The following CEP128 variants were observed in gnomAD, a reference collection of about 807,000 sequenced individuals.
The protein encoded by CEP128 is centrosomal protein 128kDa.
A neutral mutation model predicts 156.7 loss-of-function variants in CEP128; 132 were observed. The observed-to-expected ratio is 0.84, with a 90% CI of 0.73 to 0.97. The LOEUF is 0.97. CEP128 is among the 50% of genes least tolerant of loss of function. The pLI is 0.00. For missense variants in CEP128, 1,252 were observed against 1,281.9 expected (o/e 0.98, Z 0.36); for synonymous variants, 469 against 448.9 (o/e 1.04, Z -0.57).
chr14:80,786,913 G>C (rs1375043901), intron 14 of CEP128, among the ~76,000 whole-genome samples: 1 of 152,150 alleles, frequency 6.6e-6, no homozygotes, highest in Non-Finnish European at 1.5e-5. Flanking sequence ...TTCAAGACCA[G>C]CCTGGGCAAC....
At chr14:80,935,598 AT>A (rs1885742983) in intron 2 of CEP128, among the ~76,000 whole-genome samples, 1 of 138,266 alleles carries the variant, frequency 7.2e-6, no homozygotes, top group Admixed American at 7.5e-5. Flanking sequence ...AAATAAATAA[AT>A]AAAAATAAAG....
intron 19 of CEP128, among the ~76,000 whole-genome samples, chr14:80,617,442 A>T (rs1449124789): frequency 6.6e-6 from 1 of 151,786 alleles, no homozygotes; most frequent in Non-Finnish European, 1.5e-5. Context: ...TCACCATCTT[A>T]GCCAGAATGG....
intron 21 of CEP128, among the ~76,000 whole-genome samples, chr14:80,551,191 C>T (rs1890194629): frequency 1.3e-5 from 2 of 152,106 alleles, no homozygotes; most frequent in Admixed American, 1.3e-4. Context: ...ACCTGACTTA[C>T]CAAAGGACTA....
chr14:80,952,004 A>G (rs866825723), intron 2 of CEP128, among the ~76,000 whole-genome samples: 5 of 152,256 alleles, frequency 3.3e-5, no homozygotes, highest in Non-Finnish European at 5.9e-5. Context: ...AAATTGCATG[A>G]AGAAAAACCT....
intron 13 of CEP128, among the ~76,000 whole-genome samples, chr14:80,810,179 C>T (rs1312613685): frequency 6.6e-6 from 1 of 150,984 alleles, no homozygotes. Flanking sequence ...AAAAATAAGC[C>T]GGGCATGATT....
At chr14:80,825,201 G>C (rs551869593) in intron 13 of CEP128, among the ~76,000 whole-genome samples, 1 of 152,146 alleles carries the variant, frequency 6.6e-6, no homozygotes, top group Non-Finnish European at 1.5e-5. Context: ...ATGAGATTTC[G>C]GTGGGGACAC....
chr14:80,511,065 CTT>C (rs201045822), intron 23 of CEP128, among the ~76,000 whole-genome samples: 10 of 145,478 alleles, frequency 6.9e-5, no homozygotes, highest in African/African-American at 2.6e-4. Flanking sequence ...TTTTTTTTTC[CTT>C]TTTTTTTTTT....
upstream of CEP128, among the ~76,000 whole-genome samples, chr14:80,945,024 C>T (rs1429708493): frequency 6.6e-6 from 1 of 152,010 alleles, no homozygotes; most frequent in East Asian, 1.9e-4. Context: ...ACAGAGGTTA[C>T]ATGATGTATT....
intron 21 of CEP128, among the ~76,000 whole-genome samples, chr14:80,549,566 G>T (rs565956774): frequency 1.3e-5 from 2 of 152,298 alleles, no homozygotes; most frequent in South Asian, 4.1e-4. Context: ...AGAGATAAAG[G>T]CAAGTTTTCC....
At chr14:80,481,005 C>T (rs370039798) in intron 14 of CEP128, among the ~76,000 whole-genome samples, 4 of 152,256 alleles carry the variant, frequency 2.6e-5, no homozygotes, top group South Asian at 4.1e-4. Context: ...CCACATTTTC[C>T]TGTTTCCTTC....
At position 80,696,389 on chromosome 14, in the gene CEP128, G is replaced by A. The variant is rs1004008154; in HGVS notation, c.2806+46686C>T. 1.6e-4 allele frequency among the ~76,000 whole-genome samples: 24 copies of A among 152,256 alleles called. No individual in the cohort carries two copies. The East Asian group carries it at 4.4e-3, about 28-fold the overall frequency. On this transcript the variant is annotated intron_variant, in intron 19 of 24. Transcript: ENST00000555265. ...AGGTTTCAGAGGTCATGAGCATTTG[G>A]ATGATACTTAAAACATCAGGGTAGA...
At chr14:80,787,418 C>T (rs181923461) in intron 14 of CEP128, among the ~76,000 whole-genome samples, 5 of 152,078 alleles carry the variant, frequency 3.3e-5, no homozygotes, top group East Asian at 1.9e-4. Flanking sequence ...TGAATCCTTC[C>T]GAAGCTCCAA....
At chr14:80,870,994 A>C (rs2139255548) in intron 8 of CEP128, among the ~76,000 whole-genome samples, 1 of 152,194 alleles carries the variant, frequency 6.6e-6, no homozygotes, top group South Asian at 2.1e-4. Context: ...GCACCCAAAA[A>C]ATACGAAGAA....
At chr14:80,477,353 T>G (rs1886962918) in exon 15 of CEP128, 1 of 152,234 alleles carries the variant, frequency 6.6e-6, no homozygotes, top group South Asian at 2.1e-4. Flanking sequence ...GATAAGCTTT[T>G]GAAACTGGAC....
chr14:80,873,690 C>A (rs997582566), intron 8 of CEP128, among the ~76,000 whole-genome samples: 9 of 152,068 alleles, frequency 5.9e-5, no homozygotes, highest in African/African-American at 2.2e-4. Context: ...TTGGTGGTGT[C>A]CCCACCCAGA....
At chr14:80,839,991 G>T (rs17542712) in intron 10 of CEP128, among the ~76,000 whole-genome samples, 2 of 151,772 alleles carry the variant, frequency 1.3e-5, no homozygotes, top group African/African-American at 4.8e-5. Context: ...AACATACTTC[G>T]CTTACCCTAA....
In CEP128 at chr14:80,904,887, C is replaced by A. The variant is rs1418700903; in HGVS notation, c.406G>T (p.Asp136Tyr). 6.2e-7 allele frequency: 1 copy of A among 1,612,098 alleles called. No homozygotes were observed. The highest frequency in any genetic ancestry group is 2.2e-5 in the East Asian group (1 of 44,848). The change falls in exon 6 of 25, where the codon GAT becomes TAT. Residue 136 changes from aspartate to tyrosine, a missense_variant. Transcript: ENST00000555265. The stretch of plus-strand genomic sequence containing the variant: ...CTCATTCGTTTAATACCCTGTGGAT[C>A]CCCATAGTCCTTGAGAGGTGAGGTA... ...PPTSPLKDYG[D>Y]PQGIKRMRSR... is the part of the protein sequence containing the mutation.
At chr14:80,677,037 G>A (rs932592217) in intron 19 of CEP128, among the ~76,000 whole-genome samples, 1 of 152,096 alleles carries the variant, frequency 6.6e-6, no homozygotes, top group Non-Finnish European at 1.5e-5. Context: ...AACTGAAAAA[G>A]CATTACATCT....
chr14:80,669,087 T>C (rs551212151), intron 19 of CEP128, among the ~76,000 whole-genome samples: 25 of 151,810 alleles, frequency 1.6e-4, no homozygotes, highest in South Asian at 4.2e-4. Flanking sequence ...CCTGGGAAAA[T>C]TGGATATCCA....
Sources: allele counts gnomAD v4.1 joint callset (sites outside exome capture counted in the v4.1 genomes callset), GRCh38; gene constraint gnomAD v4.1.1; transcripts MANE v1.5; gene names NCBI Gene and HGNC (gene_info 2026-07-23, HGNC 2026-07-21).